The following AGBL1 variants were observed in gnomAD, a reference collection of about 807,000 sequenced individuals.
The protein encoded by AGBL1 is AGBL carboxypeptidase 1.
AGBL1 carries 130 observed loss-of-function variants against 118.9 expected under a neutral mutation model. The ratio of observed to expected loss-of-function variants is 1.09; its 90% CI spans 0.95 to 1.26. The LOEUF (loss-of-function observed/expected upper bound fraction) is 1.26. Among genes scored for constraint, AGBL1 ranks in the 50% most tolerant of loss-of-function variants. AGBL1 has a pLI of 0.00. For missense variants in AGBL1, 1,584 were observed against 1,298.1 expected (o/e 1.22, Z -3.38); for synonymous variants, 555 against 478.9 (o/e 1.16, Z -2.08).
chr15:86,819,348 A>T (rs767279202), intron 22 of AGBL1, among the ~76,000 whole-genome samples: 4 of 152,082 alleles, frequency 2.6e-5, no homozygotes, highest in Admixed American at 1.3e-4. Context: ...TATGTTCCAG[A>T]TACTTCTCAC....
intron 22 of AGBL1, among the ~76,000 whole-genome samples, chr15:86,772,003 T>C (rs2078189317): frequency 6.6e-6 from 1 of 151,894 alleles, no homozygotes; most frequent in South Asian, 2.1e-4. Context: ...AGAATGTACA[T>C]ATTTGATGGG....
intron 23 of AGBL1, among the ~76,000 whole-genome samples, chr15:86,946,843 C>CAAAAAAAAAAA (rs11355715): frequency 1.0e-5 from 1 of 100,148 alleles, no homozygotes; most frequent in Non-Finnish European, 1.9e-5. Flanking sequence ...AAACTCGGTC[C>CAAAAAAAAAAA]AAAAAAAAAA....
At chr15:86,080,118 T>A (rs1895166373) in intron 1 of AGBL1, 95 bp downstream of exon 1, 1 of 988,652 alleles carries the variant, frequency 1.0e-6, no homozygotes, top group African/African-American at 1.7e-5. Context: ...CCTCTGGCAG[T>A]CACTGGCCCA....
chr15:86,690,554 G>T (rs771257011), intron 22 of AGBL1, among the ~76,000 whole-genome samples: 4 of 152,138 alleles, frequency 2.6e-5, no homozygotes, highest in Non-Finnish European at 5.9e-5. Context: ...CCACTGCAGA[G>T]GTAGGTTTGA....
intron 6 of AGBL1, among the ~76,000 whole-genome samples, chr15:86,231,141 T>G (rs543011859): frequency 1.3e-5 from 2 of 151,872 alleles, no homozygotes; most frequent in Admixed American, 6.6e-5. Flanking sequence ...ATGAATCATG[T>G]TTTTTTTGCA....
intron 19 of AGBL1, among the ~76,000 whole-genome samples, chr15:86,544,654 A>G (rs528200918): frequency 6.6e-6 from 1 of 152,148 alleles, no homozygotes; most frequent in South Asian, 2.1e-4. Context: ...CTTATTCGCT[A>G]TCAGGAGAAC....
In AGBL1 at chr15:86,247,846, A is replaced by G; in HGVS notation, c.702A>G (p.Ala234=). Residue 234 remains alanine (A), a synonymous_variant, in exon 7 of 23, where the codon GCA becomes GCG. Transcript: ENST00000614907. ...LRSGREAFLA[A]QGMEILFSTT... ...CCGGCAGGGAGGCCTTCCTGGCAGC[A>G]CAGGGCATGGAGATCCTCTTCAGCA... is the stretch of plus-strand genomic sequence containing the variant. The G allele has an allele frequency of 6.2e-7, 1 of 1,613,932 alleles. No individual in the cohort carries two copies. The highest frequency in any genetic ancestry group is 8.5e-7 in the Non-Finnish European group (1 of 1,179,886).
At chr15:86,274,382 G>A (rs2079211596) in intron 15 of AGBL1, among the ~76,000 whole-genome samples, 1 of 152,024 alleles carries the variant, frequency 6.6e-6, no homozygotes, top group South Asian at 2.1e-4. Context: ...TGTCCATTCT[G>A]CCATTTTATG....
At chr15:86,476,346 CAG>C (rs1306039140) in intron 18 of AGBL1, among the ~76,000 whole-genome samples, 1 of 152,080 alleles carries the variant, frequency 6.6e-6, no homozygotes, top group Admixed American at 6.5e-5. Flanking sequence ...ATCTCAAGTG[CAG>C]AGACACACAT....
At chr15:86,147,248 T>G (rs2077044777) in intron 3 of AGBL1, among the ~76,000 whole-genome samples, 1 of 152,108 alleles carries the variant, frequency 6.6e-6, no homozygotes, top group African/African-American at 2.4e-5. Flanking sequence ...CGGGTTCATC[T>G]CACTGGTGCT....
At chr15:86,278,401 T>A (rs893618620) in intron 15 of AGBL1, among the ~76,000 whole-genome samples, 1 of 152,132 alleles carries the variant, frequency 6.6e-6, no homozygotes, top group African/African-American at 2.4e-5. Context: ...CAGGCCATAG[T>A]CAGTGGGCTA....
chr15:86,652,311 C>T (rs1421388074), intron 21 of AGBL1, among the ~76,000 whole-genome samples: 3 of 152,106 alleles, frequency 2.0e-5, no homozygotes, highest in Non-Finnish European at 4.4e-5. Flanking sequence ...AAATCAATTT[C>T]CATTTCTGTG....
intron 17 of AGBL1, among the ~76,000 whole-genome samples, chr15:86,375,917 G>T (rs1271825897): frequency 1.3e-5 from 2 of 152,238 alleles, no homozygotes; most frequent in Non-Finnish European, 2.9e-5. Flanking sequence ...GGGAAAGGAA[G>T]GGTGGAGTCC....
chr15:86,744,230 A>C (rs1036937698), intron 22 of AGBL1, among the ~76,000 whole-genome samples: 1 of 152,160 alleles, frequency 6.6e-6, no homozygotes. Flanking sequence ...TTGGAAATAA[A>C]AGTGGAAATG....
intron 21 of AGBL1, among the ~76,000 whole-genome samples, chr15:86,598,483 A>G (rs555819374): frequency 5.4e-4 from 82 of 152,198 alleles, no homozygotes; most frequent in Admixed American, 3.3e-3. Context: ...CAATATTAAA[A>G]ATGACATAGA....
At chr15:86,534,545 A>G (rs117954599) in intron 19 of AGBL1, among the ~76,000 whole-genome samples, 1 of 152,302 alleles carries the variant, frequency 6.6e-6, no homozygotes, top group Non-Finnish European at 1.5e-5. Flanking sequence ...TTGATATCAC[A>G]CAGACCTTCT....
intron 17 of AGBL1, among the ~76,000 whole-genome samples, chr15:86,324,717 TAAAG>T (rs2080158817): frequency 6.6e-6 from 1 of 152,108 alleles, no homozygotes; most frequent in East Asian, 1.9e-4. Flanking sequence ...GTGGTAGTAA[TAAAG>T]AATAAGGTAG....
At chr15:86,408,315 TC>T (rs1029564768) in intron 18 of AGBL1, among the ~76,000 whole-genome samples, 6 of 152,198 alleles carry the variant, frequency 3.9e-5, no homozygotes, top group African/African-American at 1.4e-4. Flanking sequence ...GAATTCTCAT[TC>T]CAAGGTTTCA....
At chr15:86,622,043 G>T (rs137970837) in intron 21 of AGBL1, among the ~76,000 whole-genome samples, 1 of 152,184 alleles carries the variant, frequency 6.6e-6, no homozygotes, top group Non-Finnish European at 1.5e-5. Flanking sequence ...TAAGAAAGGG[G>T]TCAGCCAGGT....
Sources: allele counts gnomAD v4.1 joint callset (sites outside exome capture counted in the v4.1 genomes callset), GRCh38; gene constraint gnomAD v4.1.1; transcripts MANE v1.5; gene names NCBI Gene and HGNC (gene_info 2026-07-23, HGNC 2026-07-21).